FER: variants seen among roughly 807,000 people sequenced by gnomAD.
The protein encoded by FER is tyrosine-protein kinase Fer.
In FER, 63 loss-of-function variants were observed where a neutral mutation model predicts 111.0. The observed-to-expected ratio is 0.57, with a 90% CI of 0.46 to 0.70. The LOEUF (loss-of-function observed/expected upper bound fraction) is 0.70, where lower values mean the gene tolerates loss of function less well. FER is among the 30% of genes least tolerant of loss of function. The probability of loss-of-function intolerance (pLI) is 0.00; values close to 1 mark genes in which losing one functional copy is unlikely to be tolerated. For missense variants in FER, 914 were observed against 954.0 expected, an observed-to-expected ratio of 0.96 and a Z score of 0.55; for synonymous variants, 327 against 313.9, an observed-to-expected ratio of 1.04 and a Z score of -0.44.
intron 13 of FER, among the ~76,000 whole-genome samples, chr5:109,026,372 C>T (rs1027193534): frequency 2.6e-5 from 4 of 151,852 alleles, no homozygotes; most frequent in African/African-American, 9.7e-5. Flanking sequence ...TACTCGGTTA[C>T]TAAAAGCTTC....
At chr5:109,159,744 T>C (rs1755798205) in intron 17 of FER, among the ~76,000 whole-genome samples, 1 of 152,148 alleles carries the variant, frequency 6.6e-6, no homozygotes, top group Non-Finnish European at 1.5e-5. Context: ...TCAGGAACAT[T>C]TGAAGGTCAA....
At chr5:108,931,151 G>T (rs1321494127) in intron 10 of FER, among the ~76,000 whole-genome samples, 1 of 152,066 alleles carries the variant, frequency 6.6e-6, no homozygotes, top group Non-Finnish European at 1.5e-5. Context: ...ATTAAAATGG[G>T]CGATGGTGCT....
chr5:109,069,958 C>T (rs1002896495), intron 16 of FER, among the ~76,000 whole-genome samples: 1 of 152,046 alleles, frequency 6.6e-6, no homozygotes, highest in Non-Finnish European at 1.5e-5. Context: ...CACACATAAG[C>T]TTAGACTATT....
chr5:109,041,877 T>C (rs981429277), intron 14 of FER, among the ~76,000 whole-genome samples: 1 of 152,118 alleles, frequency 6.6e-6, no homozygotes. Context: ...AATAGAACAC[T>C]GTGTTCTATC....
At chr5:109,151,420 G>T (rs1326887545) in intron 17 of FER, among the ~76,000 whole-genome samples, 1 of 152,052 alleles carries the variant, frequency 6.6e-6, no homozygotes, top group African/African-American at 2.4e-5. Context: ...TGGTACAAAA[G>T]CTACAGACAT....
At chr5:109,148,459 C>G (rs1440572316) in intron 17 of FER, among the ~76,000 whole-genome samples, 1 of 152,130 alleles carries the variant, frequency 6.6e-6, no homozygotes, top group Non-Finnish European at 1.5e-5. Context: ...GGACAAGATT[C>G]TTAAAGCATC....
intron 16 of FER, among the ~76,000 whole-genome samples, chr5:109,078,985 C>G (rs1199156314): frequency 6.6e-6 from 1 of 152,108 alleles, no homozygotes; most frequent in African/African-American, 2.4e-5. Context: ...TCTATTTGTT[C>G]TCGTGTATCT....
At chr5:109,104,395 A>G (rs1748627250) in intron 17 of FER, among the ~76,000 whole-genome samples, 1 of 152,352 alleles carries the variant, frequency 6.6e-6, no homozygotes, top group South Asian at 2.1e-4. Context: ...GAGATAGTCA[A>G]TTTTGTGATA....
intron 17 of FER, among the ~76,000 whole-genome samples, chr5:109,142,629 G>A (rs1170109156): frequency 6.6e-6 from 1 of 152,086 alleles, no homozygotes; most frequent in East Asian, 1.9e-4. Context: ...TTTATAGAGA[G>A]AGCATATACA....
At chr5:109,130,622 A>C (rs535611503) in intron 17 of FER, among the ~76,000 whole-genome samples, 1 of 152,226 alleles carries the variant, frequency 6.6e-6, no homozygotes, top group Admixed American at 6.5e-5. Context: ...TTTGTTAATG[A>C]GGTATTTTAC....
chr5:109,192,782 T>C lies in FER; in HGVS notation c.*5207T>C, dbSNP rs1759466603. The C allele has an allele frequency of 6.6e-6, 1 of 152,122 alleles. No homozygotes were observed. Among genetic ancestry groups the C allele is most frequent in the Non-Finnish European group, 1.5e-5 (1 of 68,016 alleles). 9.4% of individuals were successfully genotyped at this position (152,122 alleles called of 1,614,324 possible). A position where few individuals can be genotyped will look rare whatever the true frequency, so the allele number is the denominator to read the frequency against. On this transcript the variant is annotated 3_prime_UTR_variant, in exon 20 of 20. Coordinates refer to ENST00000281092, the MANE Select transcript of FER (RefSeq NM_005246.4). ...CCTAGAGTTACCCACAGAGGGAGCT[T>C]ACTATGATGAGAGCTACTGTGGGGA... is the stretch of plus-strand genomic sequence containing the variant.
intron 17 of FER, among the ~76,000 whole-genome samples, chr5:109,155,518 G>T (rs2126711353): frequency 6.6e-6 from 1 of 151,998 alleles, no homozygotes; most frequent in South Asian, 2.1e-4. Flanking sequence ...GGGTTTCCTG[G>T]TTAAGATTAA....
intron 3 of FER, among the ~76,000 whole-genome samples, chr5:108,809,799 G>A (rs1757563034): frequency 6.6e-6 from 1 of 152,190 alleles, no homozygotes; most frequent in African/African-American, 2.4e-5. Flanking sequence ...CTGGGCTCAA[G>A]TGATCCTCCT....
intron 17 of FER, among the ~76,000 whole-genome samples, chr5:109,155,250 A>G (rs575065850): frequency 3.9e-5 from 6 of 152,040 alleles, no homozygotes; most frequent in African/African-American, 1.2e-4. Context: ...ATCTGGCAAG[A>G]AACTTTCTGT....
intron 6 of FER, among the ~76,000 whole-genome samples, chr5:108,870,243 A>G (rs188641794): frequency 6.6e-6 from 1 of 152,254 alleles, no homozygotes; most frequent in East Asian, 1.9e-4. Flanking sequence ...CATGGAACAA[A>G]TACCCATTCA....
At chr5:109,061,495 T>G (rs551943228) in intron 16 of FER, among the ~76,000 whole-genome samples, 1 of 152,306 alleles carries the variant, frequency 6.6e-6, no homozygotes, top group East Asian at 1.9e-4. Context: ...CAACATCAGT[T>G]AAATAGAAAG....
chr5:108,792,526 G>A (rs1032806282), intron 2 of FER, among the ~76,000 whole-genome samples: 1 of 151,896 alleles, frequency 6.6e-6, no homozygotes, highest in African/African-American at 2.4e-5. Context: ...TAGTAGAGAC[G>A]GAGTTTCTCC....
At chr5:108,768,044 C>G (rs991490170) in intron 1 of FER, 49 bp from the exon 2 acceptor site, 1 of 152,162 alleles carries the variant, frequency 6.6e-6, no homozygotes, top group African/African-American at 2.4e-5. Context: ...ACATTTTTAT[C>G]TCTTTCTCTG....
chr5:108,767,910 A>T (rs1752499247), intron 1 of FER, among the ~76,000 whole-genome samples, 183 bp from the exon 2 acceptor site: 1 of 152,236 alleles, frequency 6.6e-6, no homozygotes, highest in Non-Finnish European at 1.5e-5. Flanking sequence ...TTAGAGAAAG[A>T]TAGGGGAGGG....
Sources: allele counts gnomAD v4.1 joint callset (sites outside exome capture counted in the v4.1 genomes callset), GRCh38; gene constraint gnomAD v4.1.1; transcripts MANE v1.5; gene names NCBI Gene and HGNC (gene_info 2026-07-23, HGNC 2026-07-21).